Variants in KIF26B observed in about 807,000 individuals in gnomAD.
KIF26B encodes the protein kinesin family member 26B, also known as kinesin-like protein KIF26B.
Under a neutral mutation model 151.2 loss-of-function variants are expected in KIF26B, and 63 were observed. The ratio of observed to expected loss-of-function variants is 0.42; its 90% CI spans 0.34 to 0.51. KIF26B has a LOEUF of 0.51. KIF26B is among the 20% of genes least tolerant of loss of function. The pLI is 0.07. For missense variants in KIF26B, 2,813 were observed against 2,913.6 expected (o/e 0.97, Z 0.79); for synonymous variants, 1,357 against 1,262.1 (o/e 1.08, Z -1.59).
At chr1:245,565,136 A>C (rs1251034374) in intron 5 of KIF26B, among the ~76,000 whole-genome samples, 3 of 152,134 alleles carry the variant, frequency 2.0e-5, no homozygotes, top group Non-Finnish European at 2.9e-5. Context: ...CTCTCTATAA[A>C]AAATTTTTTT....
chr1:245,337,368 G>A (rs112643100), intron 2 of KIF26B, among the ~76,000 whole-genome samples: 2,010 of 151,800 alleles, frequency 0.013, 27 homozygotes, highest in African/African-American at 0.03. Flanking sequence ...GGTGGCGGGG[G>A]TCGGGGGTTC....
intron 4 of KIF26B, among the ~76,000 whole-genome samples, chr1:245,435,089 A>ATCCATCTC (rs1558164593): frequency 2.2e-5 from 2 of 90,510 alleles, no homozygotes; most frequent in African/African-American, 8.6e-5. Flanking sequence ...CCATCCATCC[A>ATCCATCTC]TCCATCTCTC....
At chr1:245,364,780 G>C (rs370617806) in intron 2 of KIF26B, among the ~76,000 whole-genome samples, 1 of 152,052 alleles carries the variant, frequency 6.6e-6, no homozygotes, top group Non-Finnish European at 1.5e-5. Flanking sequence ...GATTGGGTTA[G>C]TAAAAATATT....
chr1:245,670,245 CATATATATAT>C (rs10584392), intron 10 of KIF26B, among the ~76,000 whole-genome samples: 47,616 of 134,674 alleles, frequency 0.35, 9,522 homozygotes, highest in East Asian at 0.64. Context: ...TGTGTATATC[CATATATATAT>C]ATATATATAT....
At chr1:245,619,793 G>C (rs1572162676) in intron 9 of KIF26B, among the ~76,000 whole-genome samples, 1 of 149,426 alleles carries the variant, frequency 6.7e-6, no homozygotes. Context: ...GGCGCCTGTA[G>C]TCCCAGCTAC....
chr1:245,688,695 C>G lies in KIF26B; in HGVS notation c.5712C>G (p.Asp1904Glu). ...GSSGYESVMR[D>E]SEATGSASSA... ...GCGGCTACGAGAGCGTGATGCGGGA[C>G]AGCGAGGCCACCGGCAGCGCGTCCT... Residue 1904 changes from aspartate (D) to glutamate (E), a missense_variant, in exon 12 of 15, where the codon GAC (aspartate) becomes GAG (glutamate). Transcript: ENST00000407071. The G allele has an allele frequency of 6.2e-7, 1 of 1,606,750 alleles. No homozygotes were observed. Among genetic ancestry groups the G allele is most frequent in the South Asian group, 1.1e-5 (1 of 89,922 alleles).
chr1:245,382,733 T>A (rs1368535922), intron 3 of KIF26B, among the ~76,000 whole-genome samples: 1 of 151,836 alleles, frequency 6.6e-6, no homozygotes, highest in African/African-American at 2.4e-5. Context: ...CACGCCCGGC[T>A]AATTTTGTAT....
At chr1:245,609,593 G>T (rs1026433614) in intron 8 of KIF26B, 65 bp downstream of exon 8, 56 of 1,430,718 alleles carry the variant, frequency 3.9e-5, no homozygotes, top group Middle Eastern at 5.0e-4. Context: ...GGCTGGGGCA[G>T]CTCCACCCGT....
At chr1:245,664,717 A>G (rs956205395) in intron 10 of KIF26B, among the ~76,000 whole-genome samples, 1 of 152,250 alleles carries the variant, frequency 6.6e-6, no homozygotes, top group Non-Finnish European at 1.5e-5. Context: ...TTATCTGGAC[A>G]TTAAAAAATA....
intron 10 of KIF26B, among the ~76,000 whole-genome samples, chr1:245,681,259 A>T (rs184934587): frequency 6.7e-6 from 1 of 149,912 alleles, no homozygotes; most frequent in South Asian, 2.1e-4. Context: ...GCCCAGGCTG[A>T]AGTGCAGTGG....
At chr1:245,232,100 G>A (rs560551481) in intron 2 of KIF26B, among the ~76,000 whole-genome samples, 55 of 152,346 alleles carry the variant, frequency 3.6e-4, no homozygotes, top group African/African-American at 1.3e-3. Flanking sequence ...TTAATCGGAC[G>A]TATCCATCCA....
At chr1:245,214,599 A>G (rs951382673) in intron 2 of KIF26B, among the ~76,000 whole-genome samples, 6 of 151,672 alleles carry the variant, frequency 4.0e-5, no homozygotes, top group African/African-American at 1.5e-4. Context: ...CAGGACATGA[A>G]CATGTGAGGC....
intron 2 of KIF26B, among the ~76,000 whole-genome samples, chr1:245,290,005 G>A (rs945557926): frequency 6.6e-6 from 1 of 152,054 alleles, no homozygotes; most frequent in African/African-American, 2.4e-5. Context: ...CTCCAGCTCT[G>A]TTAGGCTTCC....
chr1:245,405,665 G>A (rs1256130749), intron 3 of KIF26B, among the ~76,000 whole-genome samples: 1 of 150,872 alleles, frequency 6.6e-6, no homozygotes, highest in African/African-American at 2.5e-5. Flanking sequence ...TGCAATTAAC[G>A]GGCTGTGGCG....
rs2043406272 is a variant in KIF26B, at chr1:245,602,447, T to C, written c.1351-130T>C. 1.4e-6 allele frequency: 1 copy of C among 694,940 alleles called. No individual in the cohort carries two copies. The highest frequency in any genetic ancestry group is 2.5e-6 in the Non-Finnish European group (1 of 403,964). The allele number at this position is 694,940 out of a possible 1,614,324, so 43.0% of individuals were successfully genotyped here. On this transcript the variant is annotated intron_variant, in intron 5 of 14. Transcript: ENST00000407071. This position sits in a 1 kb window ranked among gnomAD's most constrained non-coding sequence, Gnocchi z 4.5. Reference sequence around the variant, plus strand: ...GATGATGTTGCTAATTCACTGTGCATTTCATCATAATTTATCCTGAGAAAG... The same window carrying C: ...GATGATGTTGCTAATTCACTGTGCACTTCATCATAATTTATCCTGAGAAAG...
At chr1:245,446,645 C>T (rs1659256714) in intron 4 of KIF26B, among the ~76,000 whole-genome samples, 1 of 152,094 alleles carries the variant, frequency 6.6e-6, no homozygotes, top group African/African-American at 2.4e-5. Flanking sequence ...TAGAGTGCAA[C>T]CTTTAGATTT....
intron 3 of KIF26B, among the ~76,000 whole-genome samples, chr1:245,399,862 A>G (rs946805009): frequency 3.3e-5 from 5 of 152,208 alleles, no homozygotes; most frequent in Non-Finnish European, 7.3e-5. Flanking sequence ...AATTATTGAG[A>G]TGATTTTTCA....
chr1:245,235,165 T>G (rs1019347742), intron 2 of KIF26B, among the ~76,000 whole-genome samples: 4 of 152,226 alleles, frequency 2.6e-5, no homozygotes, highest in African/African-American at 9.7e-5. Flanking sequence ...ATGTTAGATT[T>G]GTATAAACTA....
chr1:245,319,409 C>A (rs993480874), intron 2 of KIF26B, among the ~76,000 whole-genome samples: 1 of 152,204 alleles, frequency 6.6e-6, no homozygotes, highest in Non-Finnish European at 1.5e-5. Context: ...GCCTGACAAA[C>A]AGCCATCAAC....
Sources: allele counts gnomAD v4.1 joint callset (sites outside exome capture counted in the v4.1 genomes callset), GRCh38; gene constraint gnomAD v4.1.1; non-coding constraint Gnocchi (gnomAD v3.1); transcripts MANE v1.5; gene names NCBI Gene and HGNC (gene_info 2026-07-23, HGNC 2026-07-21).